CLSTN2: variants seen among roughly 807,000 people sequenced by gnomAD.
CLSTN2 encodes calsyntenin-2.
Under a neutral mutation model 101.2 loss-of-function variants are expected in CLSTN2, and 48 were observed. That is an observed-to-expected ratio of 0.47 (90% CI 0.38 to 0.60). The LOEUF (loss-of-function observed/expected upper bound fraction) is 0.60, where lower values mean the gene tolerates loss of function less well. CLSTN2 is among the 20% of genes least tolerant of loss of function. The probability of loss-of-function intolerance (pLI) is 0.00; values close to 1 mark genes in which losing one functional copy is unlikely to be tolerated. For synonymous variants in CLSTN2, 481 were observed against 463.6 expected, an observed-to-expected ratio of 1.04 and a Z score of -0.48; for missense variants, 1,160 against 1,238.2, an observed-to-expected ratio of 0.94 and a Z score of 0.95.
intron 1 of CLSTN2, among the ~76,000 whole-genome samples, chr3:140,116,713 C>T (rs1346527940): frequency 1.3e-5 from 2 of 152,094 alleles, no homozygotes; most frequent in East Asian, 3.9e-4. Context: ...CCTATATTAC[C>T]TAAATAAATT....
In CLSTN2 at chr3:140,569,454, G is replaced by T. The variant is rs1418856680; in HGVS notation, c.*3201G>T. The T allele has an allele frequency of 1.3e-5, 2 of 152,230 alleles. No individual in the cohort carries two copies. Among genetic ancestry groups the T allele is most frequent in the African/African-American group, 4.8e-5 (2 of 41,462 alleles). 9.4% of individuals were successfully genotyped at this position (152,230 alleles called of 1,614,324 possible). A position where few individuals can be genotyped will look rare whatever the true frequency, so the allele number is the denominator to read the frequency against. ...ACTCTCAGGTGATTCAGATGACATG[G>T]AGGAGAAGTTGGAGGAGAAGATTGA... On this transcript the variant is annotated 3_prime_UTR_variant, in exon 17 of 17. Coordinates refer to ENST00000458420, the MANE Select transcript of CLSTN2 (RefSeq NM_022131.3).
chr3:140,166,006 A>C (rs528623986), intron 1 of CLSTN2, among the ~76,000 whole-genome samples: 1 of 152,112 alleles, frequency 6.6e-6, no homozygotes, highest in Non-Finnish European at 1.5e-5. Flanking sequence ...TGTGTTGCCT[A>C]CAGCCATCTG....
intron 1 of CLSTN2, among the ~76,000 whole-genome samples, chr3:139,939,355 C>T (rs1427258518): frequency 1.3e-5 from 2 of 152,178 alleles, no homozygotes; most frequent in Non-Finnish European, 2.9e-5. Context: ...GGTAAATGAA[C>T]TTGCCAAGAC....
intron 8 of CLSTN2, among the ~76,000 whole-genome samples, chr3:140,498,382 G>T (rs2107761038): frequency 6.6e-6 from 1 of 152,206 alleles, no homozygotes; most frequent in South Asian, 2.1e-4. Flanking sequence ...TTGCACCTTT[G>T]GGAAGGCCAT....
intron 1 of CLSTN2, among the ~76,000 whole-genome samples, chr3:140,151,825 G>C (rs2009871194): frequency 1.3e-5 from 2 of 152,188 alleles, no homozygotes; most frequent in African/African-American, 4.8e-5. Context: ...AGACAATCAT[G>C]GGGACTTGGC....
At chr3:140,023,169 C>T (rs947109067) in intron 1 of CLSTN2, among the ~76,000 whole-genome samples, 1 of 152,084 alleles carries the variant, frequency 6.6e-6, no homozygotes, top group Non-Finnish European at 1.5e-5. Context: ...GGTAACCAGG[C>T]CCAGGACAGT....
At chr3:140,214,152 A>C (rs1349225136) in intron 2 of CLSTN2, among the ~76,000 whole-genome samples, 1 of 152,144 alleles carries the variant, frequency 6.6e-6, no homozygotes, top group Non-Finnish European at 1.5e-5. Context: ...CTATAAAAAA[A>C]AAATAGGCTA....
chr3:140,302,150 G>T (rs1025587016), intron 2 of CLSTN2, among the ~76,000 whole-genome samples: 1 of 152,164 alleles, frequency 6.6e-6, no homozygotes, highest in African/African-American at 2.4e-5. Context: ...ATCATTTGAG[G>T]CTTGGTTGGG....
At chr3:140,537,799 T>C (rs1056057229) in intron 9 of CLSTN2, among the ~76,000 whole-genome samples, 7 of 152,200 alleles carry the variant, frequency 4.6e-5, no homozygotes, top group Non-Finnish European at 5.9e-5. Flanking sequence ...CAATAAAAAT[T>C]GTATACTCAC....
chr3:140,182,480 C>T (rs1464846641), intron 2 of CLSTN2, among the ~76,000 whole-genome samples: 2 of 152,128 alleles, frequency 1.3e-5, no homozygotes, highest in Non-Finnish European at 2.9e-5. Context: ...TCTGTCCTGC[C>T]CCACAGCTCT....
In CLSTN2 at chr3:140,403,669, C is replaced by A; in HGVS notation, c.273C>A (p.Pro91=). ...CAFKIHGQEL[P]FEAVVLNKTS... ...TCAAGATCCATGGCCAGGAGCTGCC[C>A]TTTGAGGCTGTGGTGCTCAACAAGA... is the stretch of plus-strand genomic sequence containing the variant. Residue 91 remains proline (P), a synonymous_variant, in exon 3 of 17, where the codon CCC becomes CCA. Transcript: ENST00000458420. The A allele has an allele frequency of 6.2e-7, 1 of 1,614,022 alleles. No individual in the cohort carries two copies. The highest frequency in any genetic ancestry group is 1.1e-5 in the South Asian group (1 of 91,056).
intron 2 of CLSTN2, among the ~76,000 whole-genome samples, chr3:140,323,988 A>G (rs1163287601): frequency 1.3e-5 from 2 of 152,216 alleles, no homozygotes; most frequent in East Asian, 1.9e-4. Flanking sequence ...CCTGATGTCA[A>G]TTGACTAAGA....
chr3:140,037,607 A>G (rs72981866), intron 1 of CLSTN2, among the ~76,000 whole-genome samples: 17,118 of 151,568 alleles, frequency 0.11, 1,193 homozygotes, highest in East Asian at 0.2. Context: ...ACATAGGTAA[A>G]CACGTGCCAT....
At chr3:140,518,093 TACAGTCCTCACCC>T (rs1378033829) in intron 8 of CLSTN2, among the ~76,000 whole-genome samples, 1 of 152,084 alleles carries the variant, frequency 6.6e-6, no homozygotes, top group Non-Finnish European at 1.5e-5. Flanking sequence ...AGCCAGCACT[TACAGTCCTCACCC>T]AGCTTCCATG....
intron 2 of CLSTN2, among the ~76,000 whole-genome samples, chr3:140,275,485 T>G (rs973997456): frequency 9.2e-5 from 14 of 152,140 alleles, no homozygotes; most frequent in African/African-American, 3.4e-4. Context: ...TTGCCCAGGC[T>G]GGTCCTGAAC....
At chr3:140,535,145 C>T (rs1206485460) in intron 9 of CLSTN2, among the ~76,000 whole-genome samples, 4 of 152,218 alleles carry the variant, frequency 2.6e-5, no homozygotes, top group African/African-American at 4.8e-5. Context: ...CATATGTGCA[C>T]GTGCACACAT....
chr3:140,521,019 CGTTTT>C (rs1559893136), intron 8 of CLSTN2, among the ~76,000 whole-genome samples: 1 of 148,652 alleles, frequency 6.7e-6, no homozygotes, highest in Non-Finnish European at 1.5e-5. Flanking sequence ...GCTCCCATAT[CGTTTT>C]ATCATGATTT....
chr3:140,558,897 AT>A (rs1935858483), intron 12 of CLSTN2, 40 bp downstream of exon 12: 4 of 1,523,082 alleles, frequency 2.6e-6, no homozygotes, highest in Non-Finnish European at 3.6e-6. Flanking sequence ...GTGGACCTTA[AT>A]TTTTTACAGC....
chr3:140,065,221 T>C (rs558163752), intron 1 of CLSTN2, among the ~76,000 whole-genome samples: 1 of 152,302 alleles, frequency 6.6e-6, no homozygotes, highest in South Asian at 2.1e-4. Context: ...AGGGCAGGTG[T>C]GTGGAAGGTG....
Sources: gnomAD v4.1 joint callset for allele counts (sites outside exome capture counted in the v4.1 genomes callset) on GRCh38, gnomAD v4.1.1 for gene constraint, MANE v1.5 for transcripts, NCBI Gene and HGNC (gene_info 2026-07-23, HGNC 2026-07-21) for gene names.